The following ZNF761 variants were observed in gnomAD, a reference collection of about 807,000 sequenced individuals.
The protein encoded by ZNF761 is zinc finger protein 761.
ZNF761 carries 43 observed loss-of-function variants against 59.9 expected under a neutral mutation model. The observed-to-expected ratio is 0.72, with a 90% CI of 0.56 to 0.92. The LOEUF (loss-of-function observed/expected upper bound fraction) is 0.92, where lower values mean the gene tolerates loss of function less well. Ranked by LOEUF, ZNF761 falls within the 40% of genes least tolerant of loss-of-function variation. The pLI is 0.00. For missense variants in ZNF761, 850 were observed against 906.1 expected (o/e 0.94, Z 0.79); for synonymous variants, 294 against 304.8 (o/e 0.96, Z 0.37).
intron 1 of ZNF761, among the ~76,000 whole-genome samples, chr19:53,434,170 C>G (rs1223865142): frequency 6.6e-6 from 1 of 152,150 alleles, no homozygotes; most frequent in Non-Finnish European, 1.5e-5. Context: ...GCAATACCTT[C>G]GTGACTTATC....
At chr19:53,446,669 G>A (rs887967594) in intron 2 of ZNF761, among the ~76,000 whole-genome samples, 1 of 151,522 alleles carries the variant, frequency 6.6e-6, no homozygotes, top group Non-Finnish European at 1.5e-5. Context: ...CACCAAGCCT[G>A]GCTCAGTTTT....
intron 4 of ZNF761, among the ~76,000 whole-genome samples, chr19:53,453,887 AAAT>A (rs892368195): frequency 8.4e-6 from 1 of 119,002 alleles, no homozygotes; most frequent in African/African-American, 3.1e-5. Context: ...AAAAATATAA[AAAT>A]AAAAAAAATG....
At chr19:53,441,285 A>G (rs2086096744) in intron 1 of ZNF761, among the ~76,000 whole-genome samples, 1 of 152,188 alleles carries the variant, frequency 6.6e-6, no homozygotes, top group Non-Finnish European at 1.5e-5. Flanking sequence ...CCATCTCACA[A>G]AAACAAGCAA....
At chr19:53,437,429 G>A (rs2147122839) in intron 1 of ZNF761, among the ~76,000 whole-genome samples, 1 of 152,204 alleles carries the variant, frequency 6.6e-6, no homozygotes, top group South Asian at 2.1e-4. Context: ...TCTTTGGAAT[G>A]GCTAGTCTCC....
At chr19:53,435,778 A>G (rs1339590225) in intron 1 of ZNF761, among the ~76,000 whole-genome samples, 2 of 152,090 alleles carry the variant, frequency 1.3e-5, no homozygotes, top group African/African-American at 4.8e-5. Context: ...AGTGTACAGC[A>G]TGTTCATATC....
chr19:53,449,329 C>CA (rs34986532), intron 3 of ZNF761, among the ~76,000 whole-genome samples, 183 bp from the exon 4 acceptor site: 67 of 142,810 alleles, frequency 4.7e-4, no homozygotes, highest in African/African-American at 8.7e-4. Context: ...GACTCCACCT[C>CA]AAAAAAAAAA....
At chr19:53,443,117 T>G (rs2086117542) in intron 1 of ZNF761, 1 of 182,860 alleles carries the variant, frequency 5.5e-6, no homozygotes, top group African/African-American at 2.4e-5. Context: ...CTTCGGTACC[T>G]AATACAAAAG....
intron 4 of ZNF761, among the ~76,000 whole-genome samples, chr19:53,451,177 A>C (rs1185198040): frequency 6.6e-6 from 1 of 152,132 alleles, no homozygotes; most frequent in African/African-American, 2.4e-5. Context: ...CACTTATAAC[A>C]GTTTATGTGT....
Position 53,456,582 on chromosome 19 carries a change from G to A in ZNF761, c.2075G>A (p.Cys692Tyr). 1.2e-6 allele frequency: 2 copies of A among 1,612,952 alleles called. No individual in the cohort carries two copies. Among genetic ancestry groups the A allele is most frequent in the Middle Eastern group, 1.7e-4 (1 of 6,058 alleles). Residue 692 changes from cysteine to tyrosine, a missense_variant, in exon 5 of 5, where the codon TGT becomes TAT. Cys to Tyr is a radical substitution (Grantham distance 194). Coordinates refer to ENST00000684525, the MANE Select transcript of ZNF761 (RefSeq NM_001289951.2). ...RLHTGEKPYK[C>Y]NECGKNFSQK... is the part of the protein sequence containing the mutation. ...CATACTGGAGAGAAACCTTATAAGT[G>A]TAATGAGTGTGGCAAGAACTTTAGT...
At chr19:53,432,381 C>A (rs183261414) in intron 1 of ZNF761, among the ~76,000 whole-genome samples, 2 of 152,182 alleles carry the variant, frequency 1.3e-5, no homozygotes, top group Non-Finnish European at 2.9e-5. Context: ...GCCGCTGCCC[C>A]AGTCCCGGAA....
chr19:53,433,350 A>C (rs2147117359), intron 1 of ZNF761, among the ~76,000 whole-genome samples: 1 of 152,272 alleles, frequency 6.6e-6, no homozygotes, highest in African/African-American at 2.4e-5. Flanking sequence ...GAGTTGAAAG[A>C]AAAACAAGAA....
At position 53,449,763 on chromosome 19, in the gene ZNF761, A is replaced by T. The variant is rs538934955; in HGVS notation, c.142+125A>T. 7.0e-4 allele frequency: 1,068 copies of T among 1,519,182 alleles called. 5 individuals are homozygous for T. The highest frequency in any genetic ancestry group is 9.1e-4 in the Non-Finnish European group (1,032 of 1,133,134). The allele number at this position is 1,519,182 out of a possible 1,614,324, so 94.1% of individuals were successfully genotyped here. On this transcript the variant is annotated intron_variant, in intron 4 of 4. Transcript: ENST00000684525. ...GAGTGCAATGGTGTGATCATGGCTCACTGCAGTCTTGAATTCCTTGGCTCA... is the reference window on the plus strand; with the variant it reads ...GAGTGCAATGGTGTGATCATGGCTCTCTGCAGTCTTGAATTCCTTGGCTCA...
In ZNF761 at chr19:53,454,743, G is replaced by A. The variant is rs781204680; in HGVS notation, c.236G>A (p.Ser79Asn). 3 of 1,614,102 alleles carry A rather than the reference G, an allele frequency of 1.9e-6. No homozygotes were observed. The highest frequency in any genetic ancestry group is 1.7e-6 in the Non-Finnish European group (2 of 1,180,032). Residue 79 changes from serine to asparagine, a missense_variant, in exon 5 of 5, where the codon AGT (serine) becomes AAT (asparagine). Transcript: ENST00000684525. Reference protein sequence around the residue: ...FHAGTLQIHESHHNGDFCYQD... With the variant: ...FHAGTLQIHENHHNGDFCYQD... ...GCAGGGACATTGCAAATACATGAAA[G>A]TCATCACAATGGAGATTTTTGCTAC...
At chr19:53,441,347 T>G (rs1161340158) in intron 1 of ZNF761, among the ~76,000 whole-genome samples, 1 of 151,994 alleles carries the variant, frequency 6.6e-6, no homozygotes, top group Non-Finnish European at 1.5e-5. Flanking sequence ...TTTTCATGTG[T>G]AATAGATTTA....
chr19:53,435,116 A>G (rs1294718205), intron 1 of ZNF761, among the ~76,000 whole-genome samples: 1 of 151,932 alleles, frequency 6.6e-6, no homozygotes, highest in Non-Finnish European at 1.5e-5. Context: ...GAAATAGGCC[A>G]TCGGTAAAAG....
At chr19:53,438,156 C>G (rs1467918943) in intron 1 of ZNF761, among the ~76,000 whole-genome samples, 1 of 128,520 alleles carries the variant, frequency 7.8e-6, no homozygotes, top group African/African-American at 2.8e-5. Flanking sequence ...GTTTAGTGTT[C>G]TAAAGTTGTG....
chr19:53,437,791 C>T (rs1378006746), intron 1 of ZNF761, among the ~76,000 whole-genome samples: 1 of 151,946 alleles, frequency 6.6e-6, no homozygotes. Flanking sequence ...ATATATAGTT[C>T]CATGTACATG....
At chr19:53,451,467 C>T (rs947152144) in intron 4 of ZNF761, among the ~76,000 whole-genome samples, 2 of 152,202 alleles carry the variant, frequency 1.3e-5, no homozygotes, top group African/African-American at 4.8e-5. Context: ...CCTCGGCCTC[C>T]TAAACTGCTG....
chr19:53,452,522 A>G (rs1333689699), intron 4 of ZNF761, among the ~76,000 whole-genome samples: 3 of 152,050 alleles, frequency 2.0e-5, no homozygotes, highest in Non-Finnish European at 2.9e-5. Context: ...TCATGCCACT[A>G]CACTCCAATG....
Sources: allele counts gnomAD v4.1 joint callset (sites outside exome capture counted in the v4.1 genomes callset), GRCh38; gene constraint gnomAD v4.1.1; transcripts MANE v1.5; gene names NCBI Gene and HGNC (gene_info 2026-07-23, HGNC 2026-07-21).